Variants in ESM1 observed in about 807,000 individuals in gnomAD.
The protein encoded by ESM1 is endothelial cell specific molecule 1, also known as endothelial cell-specific molecule 1.
A neutral mutation model predicts 14.9 loss-of-function variants in ESM1; 7 were observed. The observed-to-expected ratio is 0.47, with a 90% CI of 0.27 to 0.88. ESM1 has a LOEUF of 0.88. ESM1 is among the 40% of genes least tolerant of loss of function. The pLI is 0.14. For missense variants in ESM1, 192 were observed against 237.9 expected, an observed-to-expected ratio of 0.81 and a Z score of 1.27; for synonymous variants, 89 against 89.4, an observed-to-expected ratio of 1.00 and a Z score of 0.02.
chr5:54,982,958 A>T (rs1740422110), intron 1 of ESM1, among the ~76,000 whole-genome samples: 1 of 152,240 alleles, frequency 6.6e-6, no homozygotes, highest in South Asian at 2.1e-4. Flanking sequence ...AAAATTATTT[A>T]AAATGCTGTT....
Position 54,978,828 on chromosome 5 carries a change from CAAA to C in ESM1, c.*501_*503del, listed in dbSNP as rs10557410. 407 of 130,568 alleles carry C rather than the reference CAAA, an allele frequency of 3.1e-3. 1 individual carries two copies. The highest frequency in any genetic ancestry group is 4.7e-3 in the Non-Finnish European group (275 of 58,270). 8.1% of individuals were successfully genotyped at this position (130,568 alleles called of 1,614,324 possible). On this transcript the variant is annotated 3_prime_UTR_variant, in exon 3 of 3. Coordinates refer to ENST00000381405, the MANE Select transcript of ESM1 (RefSeq NM_007036.5). ...GTTTTATTTTGACTTTTCCCAAAGC[CAAA>C]AAAAAAAAAAAAAGCACAATTAAAT... is the stretch of plus-strand genomic sequence containing the variant.
intron 2 of ESM1, among the ~76,000 whole-genome samples, chr5:54,980,531 A>G (rs1744032903): frequency 6.6e-6 from 1 of 152,150 alleles, no homozygotes; most frequent in South Asian, 2.1e-4. Flanking sequence ...TCCATCCTGA[A>G]CCTGACTAAG....
At chr5:54,984,838 A>G (rs947759003) in intron 1 of ESM1, among the ~76,000 whole-genome samples, 4 of 152,352 alleles carry the variant, frequency 2.6e-5, no homozygotes, top group African/African-American at 4.8e-5. Context: ...CCAAGAGGTT[A>G]TCTAGTGCAG....
At chr5:54,980,062 T>C (rs890365225) in intron 2 of ESM1, among the ~76,000 whole-genome samples, 1 of 152,196 alleles carries the variant, frequency 6.6e-6, no homozygotes, top group African/African-American at 2.4e-5. Context: ...TGTGGAATGC[T>C]TTAAGAAGAT....
Position 54,979,306 on chromosome 5 carries a change from C to G in ESM1, c.*26G>C, listed in dbSNP as rs776134062. 8 of 1,519,024 alleles carry G rather than the reference C, an allele frequency of 5.3e-6. No individual in the cohort carries two copies. The highest frequency in any genetic ancestry group is 4.1e-5 in the African/African-American group (3 of 72,970). The allele number at this position is 1,519,024 out of a possible 1,614,324, so 94.1% of individuals were successfully genotyped here. ...GTGTTGAACAATCACGAAAATAGAG[C>G]CTTCTCTCAGAAATCACAGCCGGGA... is the stretch of plus-strand genomic sequence containing the variant. On this transcript the variant is annotated 3_prime_UTR_variant, in exon 3 of 3. Coordinates refer to ENST00000381405, the MANE Select transcript of ESM1 (RefSeq NM_007036.5).
chr5:54,985,395 C>G lies in ESM1; in HGVS notation c.123G>C (p.Pro41=), dbSNP rs201415687. The G allele has an allele frequency of 2.5e-6, 4 of 1,614,228 alleles. No individual in the cohort carries two copies. In the East Asian group the frequency reaches 6.7e-5, roughly 27 times the overall value. Reference sequence around the variant, plus strand: ...CGTCGAGCACTGTCCTCTTGCAGCGCGGGCTGCTTTTGCACTCACTGCTGT... The same window carrying G: ...CGTCGAGCACTGTCCTCTTGCAGCGGGGGCTGCTTTTGCACTCACTGCTGT... ...HCDSSECKSS[P]RCKRTVLDDC... is the part of the protein sequence containing the mutation. The change falls in exon 1 of 3, where the codon CCG becomes CCC. Residue 41 remains proline, a synonymous_variant. Coordinates refer to ENST00000381405, the MANE Select transcript of ESM1 (RefSeq NM_007036.5).
Position 54,979,163 on chromosome 5 carries a change from G to T in ESM1, c.*169C>A. On this transcript the variant is annotated 3_prime_UTR_variant, in exon 3 of 3. Coordinates refer to ENST00000381405, the MANE Select transcript of ESM1 (RefSeq NM_007036.5). ...CATACAAGTGTTCAGTCATATGGAT[G>T]TTATGGATTGTAAGTATCCTACTTT... The T allele has an allele frequency of 1.7e-6, 1 of 598,128 alleles. No homozygotes were observed. The highest frequency in any genetic ancestry group is 2.8e-5 in the East Asian group (1 of 36,258). 37.1% of individuals were successfully genotyped at this position (598,128 alleles called of 1,614,324 possible).
At chr5:54,983,101 A>G (rs959289586) in intron 1 of ESM1, among the ~76,000 whole-genome samples, 4 of 152,216 alleles carry the variant, frequency 2.6e-5, no homozygotes, top group African/African-American at 9.6e-5. Context: ...ATTGTGAGCC[A>G]TCTGAGTCTC....
intron 2 of ESM1, 28 bp from the exon 3 acceptor site, chr5:54,979,463 T>C (rs775072851): frequency 7.0e-7 from 1 of 1,424,210 alleles, no homozygotes; most frequent in Admixed American, 1.7e-5. Context: ...ACAAATCATG[T>C]CCAAACATCT....
chr5:54,982,496 G>C (rs1452428123), intron 1 of ESM1, among the ~76,000 whole-genome samples: 2 of 152,172 alleles, frequency 1.3e-5, no homozygotes, highest in African/African-American at 4.8e-5. Flanking sequence ...CTCAGCAAAG[G>C]TGGGAAATTG....
Position 54,981,905 on chromosome 5 carries a change from T to C in ESM1, c.451+92A>G. On this transcript the variant is annotated intron_variant, in intron 2 of 2. Coordinates refer to ENST00000381405, the MANE Select transcript of ESM1 (RefSeq NM_007036.5). Reference sequence around the variant, plus strand: ...AGCAAAGGAAATAAAATCATTCCAATCCACATCTTATTCTACTCACAGATA... The same window carrying C: ...AGCAAAGGAAATAAAATCATTCCAACCCACATCTTATTCTACTCACAGATA... 6.2e-6 allele frequency: 8 copies of C among 1,300,456 alleles called. No individual in the cohort carries two copies. The South Asian group carries it at 1.1e-4, about 18-fold the overall frequency. 80.6% of individuals were successfully genotyped at this position (1,300,456 alleles called of 1,614,324 possible).
At position 54,980,563 on chromosome 5, in the gene ESM1, A is replaced by T. The variant is rs78907510; in HGVS notation, c.452-1128T>A. Among the ~76,000 whole-genome samples, 42 of 152,304 alleles carry T rather than the reference A, an allele frequency of 2.8e-4. No homozygotes were observed. The East Asian group carries it at 8.1e-3, about 29-fold the overall frequency. Reference sequence around the variant, plus strand: ...TAAGGTTTACCAAGATCACACTAAAAATCATCTTTTGCTGGTTGCACCTTT... The same window carrying T: ...TAAGGTTTACCAAGATCACACTAAATATCATCTTTTGCTGGTTGCACCTTT... On this transcript the variant is annotated intron_variant, in intron 2 of 2. Coordinates refer to ENST00000381405, the MANE Select transcript of ESM1 (RefSeq NM_007036.5).
intron 1 of ESM1, 49 bp from the exon 2 acceptor site, chr5:54,982,195 T>A (rs778313974): frequency 5.6e-6 from 9 of 1,598,918 alleles, no homozygotes; most frequent in Admixed American, 3.4e-5. Context: ...TGTAAATACG[T>A]CTCCATCCTA....
rs763644397 is a variant in ESM1, at chr5:54,985,531, C to T, written c.-14G>A. Reference sequence around the variant, plus strand: ...GACGCTCTTCATGTTTCCCAGCTGCCTCCGGCTCGGCTCTCCAGTCGTGGT... The same window carrying T: ...GACGCTCTTCATGTTTCCCAGCTGCTTCCGGCTCGGCTCTCCAGTCGTGGT... On this transcript the variant is annotated 5_prime_UTR_variant, in exon 1 of 3. Transcript: ENST00000381405. 22 of 1,576,630 alleles carry T rather than the reference C, an allele frequency of 1.4e-5. No individual in the cohort carries two copies. The East Asian group carries it at 4.7e-4, about 34-fold the overall frequency.
Position 54,985,485 on chromosome 5 carries a change from G to A in ESM1, c.33C>T (p.Leu11=), listed in dbSNP as rs774418880. MKSVLLLTTL[L]VPAHLVAAWS... ...AGGCGGCCACCAGGTGTGCAGGCAC[G>A]AGGAGCGTGGTCAGCAGCAAGACGC... Residue 11 remains leucine, a synonymous_variant, in exon 1 of 3, where the codon CTC becomes CTT. Transcript: ENST00000381405. The A allele has an allele frequency of 6.2e-7, 1 of 1,604,542 alleles. No homozygotes were observed. The highest frequency in any genetic ancestry group is 1.3e-5 in the African/African-American group (1 of 74,862).
At chr5:54,980,189 C>A (rs925952085) in intron 2 of ESM1, among the ~76,000 whole-genome samples, 4 of 151,914 alleles carry the variant, frequency 2.6e-5, no homozygotes, top group Admixed American at 2.6e-4. Flanking sequence ...AAGCTCACTG[C>A]CAAAAAAAAG....
chr5:54,979,284 T>C lies in ESM1; in HGVS notation c.*48A>G, dbSNP rs556060550. ...AAGTTCCTAAAATGTTGGCTGTGTGTTGAACAATCACGAAAATAGAGCCTT... is the reference window on the plus strand; with the variant it reads ...AAGTTCCTAAAATGTTGGCTGTGTGCTGAACAATCACGAAAATAGAGCCTT... On this transcript the variant is annotated 3_prime_UTR_variant, in exon 3 of 3. Transcript: ENST00000381405. The C allele has an allele frequency of 3.6e-6, 5 of 1,378,180 alleles. 1 individual carries two copies. In the South Asian group the frequency reaches 5.8e-5, roughly 16 times the overall value. 85.4% of individuals were successfully genotyped at this position (1,378,180 alleles called of 1,614,324 possible).
At chr5:54,981,126 T>C (rs1448179247) in intron 2 of ESM1, among the ~76,000 whole-genome samples, 2 of 152,230 alleles carry the variant, frequency 1.3e-5, no homozygotes, top group Non-Finnish European at 2.9e-5. Context: ...CTAAGTAGCA[T>C]ATCCATCACC....
intron 1 of ESM1, among the ~76,000 whole-genome samples, chr5:54,983,383 C>A (rs1740433674): frequency 1.3e-5 from 2 of 152,206 alleles, no homozygotes; most frequent in African/African-American, 4.8e-5. Flanking sequence ...TCTAGTGTAT[C>A]CCCTGATGTA....
Sources: allele counts gnomAD v4.1 joint callset (sites outside exome capture counted in the v4.1 genomes callset), GRCh38; gene constraint gnomAD v4.1.1; transcripts MANE v1.5; gene names NCBI Gene and HGNC (gene_info 2026-07-23, HGNC 2026-07-21).